Variants in PEX5L observed in about 807,000 individuals in gnomAD.
PEX5L encodes PEX5-related protein.
A neutral mutation model predicts 84.0 loss-of-function variants in PEX5L; 30 were observed. That is an observed-to-expected ratio of 0.36 (90% CI 0.27 to 0.48). The LOEUF is 0.48. Among genes scored for constraint, PEX5L ranks in the 20% least tolerant of loss-of-function variants. The probability of loss-of-function intolerance (pLI) is 0.99; values close to 1 mark genes in which losing one functional copy is unlikely to be tolerated. For synonymous variants in PEX5L, 270 were observed against 283.1 expected, an observed-to-expected ratio of 0.95 and a Z score of 0.46; for missense variants, 533 against 754.6, an observed-to-expected ratio of 0.71 and a Z score of 3.44.
intron 2 of PEX5L, among the ~76,000 whole-genome samples, chr3:179,919,057 T>C (rs1319236949): frequency 1.3e-5 from 2 of 152,220 alleles, no homozygotes; most frequent in Non-Finnish European, 2.9e-5. Flanking sequence ...TATTTCATTC[T>C]ATGCTCTAGT....
chr3:179,847,183 T>C (rs1329001662), intron 8 of PEX5L, among the ~76,000 whole-genome samples: 3 of 151,874 alleles, frequency 2.0e-5, no homozygotes, highest in Admixed American at 2.0e-4. Context: ...TAGTGTGATA[T>C]TGGATGGGGT....
intron 2 of PEX5L, among the ~76,000 whole-genome samples, chr3:179,945,828 T>C (rs1777377968): frequency 6.6e-6 from 1 of 152,188 alleles, no homozygotes; most frequent in East Asian, 1.9e-4. Flanking sequence ...CACCTCCTTT[T>C]ACTTCTATCC....
chr3:179,917,683 T>A (rs1365322882), intron 2 of PEX5L, among the ~76,000 whole-genome samples: 3 of 152,162 alleles, frequency 2.0e-5, no homozygotes, highest in Non-Finnish European at 4.4e-5. Flanking sequence ...GGAGTTTTGC[T>A]TTTTGAGACG....
chr3:179,922,270 A>G (rs1013754333), intron 2 of PEX5L, among the ~76,000 whole-genome samples: 2 of 152,170 alleles, frequency 1.3e-5, no homozygotes, highest in South Asian at 2.1e-4. Context: ...GATGAGAGAT[A>G]TTACGCAAAT....
At chr3:180,006,225 C>T (rs973538852) in intron 1 of PEX5L, among the ~76,000 whole-genome samples, 1 of 152,140 alleles carries the variant, frequency 6.6e-6, no homozygotes, top group African/African-American at 2.4e-5. Flanking sequence ...TAATTAATTG[C>T]TTCAGCAACC....
chr3:179,796,903 T>C lies in PEX5L; in HGVS notation c.*4925A>G, dbSNP rs1376254786. ...GGGCTGTATCAGAACAATGTTGTGA[T>C]ACCCCACACACTTGCTATGTGACAT... On this transcript the variant is annotated 3_prime_UTR_variant, in exon 15 of 15. Transcript: ENST00000467460. 6.6e-6 allele frequency: 1 copy of C among 152,198 alleles called. No individual in the cohort carries two copies. Among genetic ancestry groups the C allele is most frequent in the East Asian group, 1.9e-4 (1 of 5,194 alleles). 9.4% of individuals were successfully genotyped at this position (152,198 alleles called of 1,614,324 possible). A position where few individuals can be genotyped will look rare whatever the true frequency, so the allele number is the denominator to read the frequency against.
intron 8 of PEX5L, among the ~76,000 whole-genome samples, chr3:179,842,690 T>C (rs1357051566): frequency 6.6e-6 from 1 of 152,078 alleles, no homozygotes; most frequent in African/African-American, 2.4e-5. Context: ...TGAAGAGTGA[T>C]AGAGAAAAAT....
intron 1 of PEX5L, among the ~76,000 whole-genome samples, chr3:180,027,258 C>T (rs575823958): frequency 1.3e-5 from 2 of 152,266 alleles, no homozygotes; most frequent in South Asian, 4.1e-4. Context: ...TTGGGCTCTG[C>T]CCCTGCCTGT....
At position 179,918,087 on chromosome 3, in the gene PEX5L, G is replaced by A. The variant is rs111631979; in HGVS notation, c.94-19841C>T. On this transcript the variant is annotated intron_variant, in intron 2 of 14. Transcript: ENST00000467460. The stretch of plus-strand genomic sequence containing the variant: ...GAGGTTACCTGGGAAGAACTAGTAA[G>A]TGTTAGAGTGGGGACAAAGTCCAGG... Among the ~76,000 whole-genome samples the A allele has an allele frequency of 2.6e-4, 40 of 152,350 alleles. 1 individual carries two copies. Among genetic ancestry groups the A allele is most frequent in the African/African-American group, 9.4e-4 (39 of 41,574 alleles).
chr3:179,816,031 T>C, intron 9 of PEX5L, 27 bp from the exon 10 acceptor site: 3 of 1,607,870 alleles, frequency 1.9e-6, no homozygotes, highest in African/African-American at 1.3e-5. Context: ...GGCCAGTGCA[T>C]GAGCCATTGA....
At chr3:180,016,101 C>CCAT (rs1789925100) in intron 1 of PEX5L, among the ~76,000 whole-genome samples, 1 of 151,384 alleles carries the variant, frequency 6.6e-6, no homozygotes, top group Non-Finnish European at 1.5e-5. Context: ...TGCTGTAACA[C>CCAT]CACCACCACC....
At chr3:179,971,491 G>T in intron 2 of PEX5L, 103 bp downstream of exon 2, 1 of 1,344,024 alleles carries the variant, frequency 7.4e-7, no homozygotes, top group South Asian at 2.2e-5. Flanking sequence ...GCTTTAGTCA[G>T]ACAGGCTAAT....
At chr3:180,002,002 TG>T (rs1375657563) in intron 1 of PEX5L, among the ~76,000 whole-genome samples, 3 of 152,212 alleles carry the variant, frequency 2.0e-5, no homozygotes, top group African/African-American at 7.2e-5. Flanking sequence ...CTTACTTCTT[TG>T]TACTTGTTTT....
chr3:179,935,609 G>A (rs533715862), intron 2 of PEX5L, among the ~76,000 whole-genome samples: 2 of 152,288 alleles, frequency 1.3e-5, no homozygotes, highest in East Asian at 3.9e-4. Flanking sequence ...AGTTAACCAA[G>A]TAATTCTTTT....
At chr3:179,878,348 T>C (rs1434892664) in intron 5 of PEX5L, among the ~76,000 whole-genome samples, 1 of 152,206 alleles carries the variant, frequency 6.6e-6, no homozygotes, top group Non-Finnish European at 1.5e-5. Flanking sequence ...CTTGCCTCTA[T>C]TCCTTTCTCA....
chr3:179,858,712 T>C (rs754469183), intron 8 of PEX5L, among the ~76,000 whole-genome samples: 3 of 152,178 alleles, frequency 2.0e-5, no homozygotes, highest in Non-Finnish European at 4.4e-5. Context: ...GCATGAACCT[T>C]GGCCTCACAG....
At chr3:179,908,059 A>G (rs1467650877) in intron 2 of PEX5L, among the ~76,000 whole-genome samples, 1 of 152,212 alleles carries the variant, frequency 6.6e-6, no homozygotes, top group Non-Finnish European at 1.5e-5. Context: ...GCTCCAAGAG[A>G]GAAGCTGAGA....
intron 2 of PEX5L, among the ~76,000 whole-genome samples, chr3:179,956,452 C>A (rs1353104747): frequency 1.3e-5 from 2 of 152,194 alleles, no homozygotes; most frequent in South Asian, 4.1e-4. Context: ...TTAGTGGTAA[C>A]CACTTCATAC....
At chr3:179,882,937 A>C (rs1400293831) in intron 4 of PEX5L, among the ~76,000 whole-genome samples, 1 of 152,164 alleles carries the variant, frequency 6.6e-6, no homozygotes, top group Non-Finnish European at 1.5e-5. Context: ...ACAATTAAAA[A>C]AATTAAAAAA....
Sources: gnomAD v4.1 joint callset for allele counts (sites outside exome capture counted in the v4.1 genomes callset) on GRCh38, gnomAD v4.1.1 for gene constraint, MANE v1.5 for transcripts, NCBI Gene and HGNC (gene_info 2026-07-23, HGNC 2026-07-21) for gene names.